The following FARS2 variants were observed in gnomAD, a reference collection of about 807,000 sequenced individuals.
The protein encoded by FARS2 is phenylalanyl-tRNA synthetase 2, mitochondrial, also known as phenylalanine--tRNA ligase, mitochondrial.
A neutral mutation model predicts 46.4 loss-of-function variants in FARS2; 40 were observed. The observed-to-expected ratio is 0.86, with a 90% CI of 0.67 to 1.12. The LOEUF (loss-of-function observed/expected upper bound fraction) is 1.12. Ranked by LOEUF, FARS2 falls within the 50% of genes most tolerant of loss-of-function variation. FARS2 has a pLI of 0.00. For synonymous variants in FARS2, 234 were observed against 214.9 expected, an observed-to-expected ratio of 1.09 and a Z score of -0.78; for missense variants, 513 against 567.9, an observed-to-expected ratio of 0.90 and a Z score of 0.98.
At chr6:5,260,883 C>A (rs577174412), upstream of FARS2, 88 of 1,424,888 alleles carry the variant, frequency 6.2e-5, no homozygotes, top group Middle Eastern at 7.8e-4. Context: ...CCTAAGCGGG[C>A]AGCCCTGCGG....
At chr6:5,760,110 T>C (rs149754367) in intron 6 of FARS2, among the ~76,000 whole-genome samples, 4 of 152,308 alleles carry the variant, frequency 2.6e-5, no homozygotes, top group African/African-American at 9.6e-5. Context: ...AACAGTGTCA[T>C]TGGAAATGTA....
intron 5 of FARS2, among the ~76,000 whole-genome samples, chr6:5,601,492 C>G (rs1774511573): frequency 6.9e-6 from 1 of 144,958 alleles, no homozygotes; most frequent in Non-Finnish European, 1.5e-5. Context: ...CCATTGCACT[C>G]CAGCCTGGGC....
intron 4 of FARS2, among the ~76,000 whole-genome samples, chr6:5,513,722 G>A (rs977244509): frequency 3.3e-5 from 5 of 152,248 alleles, no homozygotes; most frequent in East Asian, 1.9e-4. Flanking sequence ...TTTATTAAGC[G>A]TTTAGTTTCC....
chr6:5,412,561 A>G (rs1761995749), intron 3 of FARS2, among the ~76,000 whole-genome samples: 2 of 152,224 alleles, frequency 1.3e-5, no homozygotes, highest in Non-Finnish European at 2.9e-5. Flanking sequence ...GAGTGAAATC[A>G]CTTGATCATG....
rs182024484 is a variant in FARS2 at position 5,541,975 on chromosome 6, T to C, written c.905-3205T>C. ...AGACATTACCATGGCATTTGTAAAC[T>C]GTCATTGTGCTGGTGGGAATGTCTT... On this transcript the variant is annotated intron_variant, in intron 4 of 6. Transcript: ENST00000274680. 5.1e-3 allele frequency among the ~76,000 whole-genome samples: 775 copies of C among 152,344 alleles called. 5 individuals are homozygous for C. The highest frequency in any genetic ancestry group is 8.5e-3 in the Non-Finnish European group (581 of 68,030).
At chr6:5,703,637 G>A (rs1758570803) in intron 6 of FARS2, among the ~76,000 whole-genome samples, 1 of 151,966 alleles carries the variant, frequency 6.6e-6, no homozygotes, top group Non-Finnish European at 1.5e-5. Flanking sequence ...CAGATTTGGG[G>A]AAGGCCTTGG....
At chr6:5,444,207 G>T (rs1764009567) in intron 4 of FARS2, among the ~76,000 whole-genome samples, 2 of 151,898 alleles carry the variant, frequency 1.3e-5, no homozygotes, top group Non-Finnish European at 2.9e-5. Context: ...AATGGCTCAA[G>T]CCTGTAATCC....
chr6:5,486,531 G>A (rs545759491), intron 4 of FARS2, among the ~76,000 whole-genome samples: 14 of 152,348 alleles, frequency 9.2e-5, no homozygotes, highest in African/African-American at 1.7e-4. Context: ...AGTCTCCACC[G>A]TCAGAACTTC....
intron 6 of FARS2, among the ~76,000 whole-genome samples, chr6:5,767,868 G>A (rs983665287): frequency 6.6e-6 from 1 of 152,210 alleles, no homozygotes; most frequent in Non-Finnish European, 1.5e-5. Context: ...TGCATTGGGT[G>A]ATATAAAAGA....
intron 5 of FARS2, among the ~76,000 whole-genome samples, chr6:5,546,945 T>TTA (rs995145127): frequency 5.3e-5 from 8 of 151,902 alleles, no homozygotes. Flanking sequence ...TTATTTTATT[T>TTA]TATTTTATTT....
chr6:5,631,329 A>G (rs916339600), intron 6 of FARS2, among the ~76,000 whole-genome samples: 1 of 152,226 alleles, frequency 6.6e-6, no homozygotes, highest in African/African-American at 2.4e-5. Flanking sequence ...TGATATAGGA[A>G]TAAATCTGGC....
chr6:5,487,785 T>C (rs1429643534), intron 4 of FARS2, among the ~76,000 whole-genome samples: 3 of 152,192 alleles, frequency 2.0e-5, no homozygotes, highest in Non-Finnish European at 2.9e-5. Context: ...CCTTTGGTCA[T>C]TGACATACCG....
At chr6:5,759,769 T>A (rs1293952000) in intron 6 of FARS2, among the ~76,000 whole-genome samples, 2 of 152,194 alleles carry the variant, frequency 1.3e-5, no homozygotes, top group East Asian at 3.9e-4. Flanking sequence ...GTCAGCTTAG[T>A]ATAAGGGGAG....
At chr6:5,253,442 A>G in the FARS2 span, among the ~76,000 whole-genome samples, 1 of 150,738 alleles carries the variant, frequency 6.6e-6, no homozygotes, top group African/African-American at 2.4e-5. Context: ...TTTTTTTGCT[A>G]ATGACTTGCT....
At chr6:5,337,364 G>A (rs1268421055) in intron 1 of FARS2, among the ~76,000 whole-genome samples, 6 of 151,950 alleles carry the variant, frequency 3.9e-5, no homozygotes, top group Admixed American at 3.9e-4. Context: ...TTCACAAGTC[G>A]TTCCCCTTAT....
At chr6:5,398,664 A>G (rs1428542045) in intron 2 of FARS2, among the ~76,000 whole-genome samples, 1 of 152,164 alleles carries the variant, frequency 6.6e-6, no homozygotes, top group Non-Finnish European at 1.5e-5. Context: ...CTAGTGACAG[A>G]GCTAGGAAAT....
At chr6:5,504,437 T>TAAAAAAAAAA (rs143444280) in intron 4 of FARS2, among the ~76,000 whole-genome samples, 2 of 126,474 alleles carry the variant, frequency 1.6e-5, no homozygotes, top group Non-Finnish European at 1.7e-5. Flanking sequence ...TGCTTTCCAG[T>TAAAAAAAAAA]AAAAAAAAAA....
At chr6:5,635,905 G>A (rs909095821) in intron 6 of FARS2, among the ~76,000 whole-genome samples, 21 of 152,230 alleles carry the variant, frequency 1.4e-4, no homozygotes, top group Admixed American at 9.1e-4. Context: ...AATAAGAGAT[G>A]TCAGCCATAT....
rs146868646 is a variant in FARS2, at chr6:5,486,774, G to A, written c.904+55602G>A. Among the ~76,000 whole-genome samples the A allele has an allele frequency of 4.9e-3, 739 of 152,266 alleles. 11 individuals carry two copies. The highest frequency in any genetic ancestry group is 0.017 in the African/African-American group (708 of 41,536). The stretch of plus-strand genomic sequence containing the variant: ...GCTGTCAGCCACGTTTCCATCATGG[G>A]AATGCATGCACAGGCCACAAGGAGT... On this transcript the variant is annotated intron_variant, in intron 4 of 6. Coordinates refer to ENST00000274680, the MANE Select transcript of FARS2 (RefSeq NM_006567.5).
Sources: gnomAD v4.1 joint callset for allele counts (sites outside exome capture counted in the v4.1 genomes callset) on GRCh38, gnomAD v4.1.1 for gene constraint, MANE v1.5 for transcripts, NCBI Gene and HGNC (gene_info 2026-07-23, HGNC 2026-07-21) for gene names.